The following GNG7 variants were observed in gnomAD, a reference collection of about 807,000 sequenced individuals.
GNG7 encodes G protein subunit gamma 7, also known as guanine nucleotide-binding protein G(I)/G(S)/G(O) subunit gamma-7.
GNG7 carries 1 observed loss-of-function variant against 4.0 expected under a neutral mutation model. The observed-to-expected ratio is 0.25, with a 90% CI of 0.09 to 1.18. The LOEUF (loss-of-function observed/expected upper bound fraction) is 1.18. Ranked by LOEUF, GNG7 falls within the 50% of genes most tolerant of loss-of-function variation. The probability of loss-of-function intolerance (pLI) is 0.50; values close to 1 mark genes in which losing one functional copy is unlikely to be tolerated. For synonymous variants in GNG7, 34 were observed against 36.9 expected, an observed-to-expected ratio of 0.92 and a Z score of 0.29; for missense variants, 86 against 91.9, an observed-to-expected ratio of 0.94 and a Z score of 0.26.
chr19:2,581,347 G>T (rs1327386613), intron 2 of GNG7, among the ~76,000 whole-genome samples: 2 of 148,764 alleles, frequency 1.3e-5, no homozygotes, highest in African/African-American at 4.9e-5. Flanking sequence ...GTGGGGGGCG[G>T]AGGGTGTCTC....
At chr19:2,692,261 G>A (rs1316508879) in intron 1 of GNG7, among the ~76,000 whole-genome samples, 1 of 151,664 alleles carries the variant, frequency 6.6e-6, no homozygotes, top group Non-Finnish European at 1.5e-5. Context: ...CAGGACATCT[G>A]CATTTGAACT....
At chr19:2,521,887 G>A (rs1476898511) in intron 3 of GNG7, among the ~76,000 whole-genome samples, 2 of 152,066 alleles carry the variant, frequency 1.3e-5, no homozygotes, top group African/African-American at 4.8e-5. Context: ...GTGCTGGGAT[G>A]ACAGGTGTGA....
intron 2 of GNG7, among the ~76,000 whole-genome samples, chr19:2,620,225 G>T (rs1427865167): frequency 1.7e-5 from 2 of 119,370 alleles, no homozygotes; most frequent in Non-Finnish European, 3.4e-5. Flanking sequence ...AAGAAAAGAG[G>T]AGAGGGGAGG....
chr19:2,681,834 A>T (rs543279607), intron 1 of GNG7, among the ~76,000 whole-genome samples: 1 of 152,154 alleles, frequency 6.6e-6, no homozygotes, highest in East Asian at 1.9e-4. Flanking sequence ...GTGAAGTGGT[A>T]TCTCACCATG....
intron 2 of GNG7, among the ~76,000 whole-genome samples, chr19:2,581,220 A>C (rs1380789426): frequency 6.6e-6 from 1 of 151,702 alleles, no homozygotes; most frequent in Non-Finnish European, 1.5e-5. Flanking sequence ...GAAAGTGATT[A>C]ATCTCTGCTT....
chr19:2,556,611 T>A (rs1411103821), intron 2 of GNG7, among the ~76,000 whole-genome samples: 34 of 152,056 alleles, frequency 2.2e-4, no homozygotes, highest in Admixed American at 2.2e-3. Flanking sequence ...CGGGGCTGCA[T>A]TGGAGGCCAA....
At chr19:2,587,965 C>T (rs890903138) in intron 2 of GNG7, among the ~76,000 whole-genome samples, 1 of 152,022 alleles carries the variant, frequency 6.6e-6, no homozygotes, top group African/African-American at 2.4e-5. Context: ...AGAACAGGAA[C>T]AAGATAAGGG....
chr19:2,622,085 T>C (rs116667091), intron 2 of GNG7, among the ~76,000 whole-genome samples: 6,602 of 151,184 alleles, frequency 0.044, 450 homozygotes, highest in African/African-American at 0.15. Context: ...TTTTTTTTTT[T>C]TCTCTCTCTT....
At chr19:2,561,082 C>G (rs1157105871) in intron 2 of GNG7, among the ~76,000 whole-genome samples, 1 of 152,130 alleles carries the variant, frequency 6.6e-6, no homozygotes, top group Non-Finnish European at 1.5e-5. Context: ...TCCTGGGACT[C>G]ACCTCCTCTC....
chr19:2,687,763 C>T (rs1231639679), intron 1 of GNG7, among the ~76,000 whole-genome samples: 1 of 151,304 alleles, frequency 6.6e-6, no homozygotes, highest in Non-Finnish European at 1.5e-5. Flanking sequence ...ATCACATGGT[C>T]AGGAGTTCGA....
chr19:2,661,965 C>G (rs1000162450), intron 1 of GNG7, among the ~76,000 whole-genome samples: 4 of 152,120 alleles, frequency 2.6e-5, no homozygotes, highest in African/African-American at 9.7e-5. Context: ...CTCACATCAA[C>G]AGCAATCAAC....
Position 2,694,313 on chromosome 19 carries a change from A to G in GNG7, c.-135+8333T>C, listed in dbSNP as rs147023655. Among the ~76,000 whole-genome samples the G allele has an allele frequency of 4.0e-3, 603 of 152,010 alleles. 2 individuals are homozygous for G. Among genetic ancestry groups the G allele is most frequent in the Middle Eastern group, 0.014 (4 of 294 alleles). ...AAAAAAAAAAGTTTTAGTTGAAAGG[A>G]TCTGTTCTACCATAGCCTGGTATAG... On this transcript the variant is annotated intron_variant, in intron 1 of 4. Transcript: ENST00000382159.
At chr19:2,641,155 G>A (rs143278705) in intron 2 of GNG7, among the ~76,000 whole-genome samples, 6 of 152,296 alleles carry the variant, frequency 3.9e-5, no homozygotes, top group East Asian at 3.9e-4. Flanking sequence ...CCAGAGTTGC[G>A]CCCGGCAGAT....
chr19:2,524,518 G>C (rs763795290), intron 3 of GNG7, among the ~76,000 whole-genome samples: 2 of 151,544 alleles, frequency 1.3e-5, no homozygotes, highest in African/African-American at 4.9e-5. Flanking sequence ...GCATATATGC[G>C]TGTGTGCACA....
Position 2,674,661 on chromosome 19 carries a change from C to A in GNG7, c.-135+27985G>T, listed in dbSNP as rs557751565. Among the ~76,000 whole-genome samples the A allele has an allele frequency of 2.6e-5, 4 of 152,302 alleles. No homozygotes were observed. In the East Asian group the frequency reaches 5.8e-4, roughly 22 times the overall value. On this transcript the variant is annotated intron_variant, in intron 1 of 4. Coordinates refer to ENST00000382159, the MANE Select transcript of GNG7 (RefSeq NM_052847.3). ...ATGTTGGCCAGGCTGGTCTCGAACT[C>A]CTGACCTCAGGTGATCCACCCGCCT... is the stretch of plus-strand genomic sequence containing the variant.
chr19:2,575,848 GACACGCAGGCACACGCAGACACAGGC>G (rs1568250013), intron 2 of GNG7, among the ~76,000 whole-genome samples: 4 of 109,870 alleles, frequency 3.6e-5, no homozygotes, highest in South Asian at 3.0e-4. Flanking sequence ...GGCACACGCA[GACACGCAGGCACACGCAGACACAGGC>G]ACACGCAGGC....
chr19:2,575,596 CGCAGGCACACGCAGGCACACACAGACAT>C (rs1980291675), intron 2 of GNG7, among the ~76,000 whole-genome samples: 1 of 114,792 alleles, frequency 8.7e-6, no homozygotes, highest in Non-Finnish European at 1.8e-5. Flanking sequence ...CACGCAGACA[CGCAGGCACACGCAGGCACACACAGACAT>C]GCAGGCACAC....
chr19:2,682,465 C>A (rs1443106136), intron 1 of GNG7, among the ~76,000 whole-genome samples: 1 of 151,104 alleles, frequency 6.6e-6, no homozygotes, highest in Non-Finnish European at 1.5e-5. Flanking sequence ...GAGTTCGAGA[C>A]CAGCCTGGCC....
At chr19:2,692,863 G>A (rs1913165340) in intron 1 of GNG7, among the ~76,000 whole-genome samples, 1 of 151,842 alleles carries the variant, frequency 6.6e-6, no homozygotes, top group African/African-American at 2.4e-5. Flanking sequence ...GTACATGCTT[G>A]TGGTCTTGGC....
Sources: gnomAD v4.1 joint callset for allele counts (sites outside exome capture counted in the v4.1 genomes callset) on GRCh38, gnomAD v4.1.1 for gene constraint, MANE v1.5 for transcripts, NCBI Gene and HGNC (gene_info 2026-07-23, HGNC 2026-07-21) for gene names.